The following DCLRE1B variants were observed in gnomAD, a reference collection of about 807,000 sequenced individuals.
The protein encoded by DCLRE1B is 5' exonuclease Apollo.
Under a neutral mutation model 19.8 loss-of-function variants are expected in DCLRE1B, and 6 were observed. That is an observed-to-expected ratio of 0.30 (90% CI 0.17 to 0.60). DCLRE1B has a LOEUF of 0.60. Ranked by LOEUF, DCLRE1B falls within the 20% of genes least tolerant of loss-of-function variation. The pLI is 0.87. For missense variants in DCLRE1B, 622 were observed against 654.2 expected (o/e 0.95, Z 0.54); for synonymous variants, 258 against 255.7 (o/e 1.01, Z -0.09).
At position 113,911,549 on chromosome 1, in the gene DCLRE1B, T is replaced by C. The variant is rs778872263; in HGVS notation, c.957T>C (p.Ile319=). The C allele has an allele frequency of 6.2e-7, 1 of 1,612,250 alleles. No individual in the cohort carries two copies. Among genetic ancestry groups the C allele is most frequent in the African/African-American group, 1.3e-5 (1 of 74,846 alleles). ...GCCCCAGGATCTCCGTGCCCCTGATTCCGGACTCTGTACAGCAATACATGA... is the reference window on the plus strand; with the variant it reads ...GCCCCAGGATCTCCGTGCCCCTGATCCCGGACTCTGTACAGCAATACATGA... ...SLSPRISVPL[I]PDSVQQYMSS... Residue 319 remains isoleucine (I), a synonymous_variant, in exon 4 of 4, where the codon ATT becomes ATC. Coordinates refer to ENST00000650450, the MANE Select transcript of DCLRE1B (RefSeq NM_022836.4).
At position 113,905,778 on chromosome 1, in the gene DCLRE1B, A is replaced by G; in HGVS notation, c.189+3A>G. On this transcript the variant is annotated splice_donor_region_variant and intron_variant, in intron 1 of 3. Transcript: ENST00000650450. Reference sequence around the variant, plus strand: ...ACCTCTTGCATCGTCACCTACAGGTATGGGGCTGGAGTCGGTCTCCGAGAG... The same window carrying G: ...ACCTCTTGCATCGTCACCTACAGGTGTGGGGCTGGAGTCGGTCTCCGAGAG... 1.2e-6 allele frequency: 2 copies of G among 1,610,682 alleles called. No individual in the cohort carries two copies. Among genetic ancestry groups the G allele is most frequent in the Admixed American group, 1.7e-5 (1 of 59,710 alleles).
chr1:113,911,450 C>T lies in DCLRE1B; in HGVS notation c.858C>T (p.Val286=), dbSNP rs773997509. Residue 286 remains valine, a synonymous_variant, in exon 4 of 4, where the codon GTC becomes GTT. Coordinates refer to ENST00000650450, the MANE Select transcript of DCLRE1B (RefSeq NM_022836.4). ...CTTACTCCGAGCTTCGTGCCTTTGT[C>T]GCAGCACTGAAGCCTTGCCAGGTGG... ...HSSYSELRAF[V]AALKPCQVVP... 1.7e-5 allele frequency: 28 copies of T among 1,614,072 alleles called. No homozygotes were observed. The highest frequency in any genetic ancestry group is 2.2e-5 in the South Asian group (2 of 91,082).
At chr1:113,906,632 A>G (rs2101066545) in intron 1 of DCLRE1B, among the ~76,000 whole-genome samples, 1 of 151,830 alleles carries the variant, frequency 6.6e-6, no homozygotes, top group African/African-American at 2.4e-5. Context: ...CTGGGACTAC[A>G]GGCGCCCGCC....
In DCLRE1B at chr1:113,913,285, G is replaced by A. The variant is rs6674384; in HGVS notation, c.*1094G>A. The A allele has an allele frequency of 0.3, 45,160 of 152,674 alleles. 6,790 individuals carry two copies. Among genetic ancestry groups the A allele is most frequent in the African/African-American group, 0.33 (13,858 of 41,482 alleles). The allele number at this position is 152,674 out of a possible 1,614,324, so 9.5% of individuals were successfully genotyped here. ...AGGGCACAGACTTGTGGAGCTGGGCGTCTGGATCAAAACTGCTTTGGGATG... is the reference window on the plus strand; with the variant it reads ...AGGGCACAGACTTGTGGAGCTGGGCATCTGGATCAAAACTGCTTTGGGATG... On this transcript the variant is annotated 3_prime_UTR_variant, in exon 4 of 4. Transcript: ENST00000650450.
In DCLRE1B at chr1:113,912,858, T is replaced by C. The variant is rs1342088265; in HGVS notation, c.*667T>C. On this transcript the variant is annotated 3_prime_UTR_variant, in exon 4 of 4. Coordinates refer to ENST00000650450, the MANE Select transcript of DCLRE1B (RefSeq NM_022836.4). ...AGGATGTGCAGTATCCCAGTATCAC[T>C]GGGATCCATGTGGAACAGAGCCAGC... The C allele has an allele frequency of 6.6e-6, 1 of 152,410 alleles. No homozygotes were observed. Among genetic ancestry groups the C allele is most frequent in the East Asian group, 1.9e-4 (1 of 5,330 alleles). 9.4% of individuals were successfully genotyped at this position (152,410 alleles called of 1,614,324 possible).
At chr1:113,904,793 C>A, upstream of DCLRE1B, 3 of 1,255,064 alleles carry the variant, frequency 2.4e-6, no homozygotes, top group Non-Finnish European at 3.5e-6. Context: ...GATGTGGGAG[C>A]CTGAGTAAAG....
At chr1:113,907,507 TC>T (rs1669081380) in intron 2 of DCLRE1B, among the ~76,000 whole-genome samples, 1 of 152,072 alleles carries the variant, frequency 6.6e-6, no homozygotes, top group Non-Finnish European at 1.5e-5. Context: ...TTCACTCTTG[TC>T]ACCCAGGCTG....
rs1183682699 is a variant in DCLRE1B at position 113,913,909 on chromosome 1, T to C, written c.*1718T>C. On this transcript the variant is annotated 3_prime_UTR_variant, in exon 4 of 4. Coordinates refer to ENST00000650450, the MANE Select transcript of DCLRE1B (RefSeq NM_022836.4). The stretch of plus-strand genomic sequence containing the variant: ...ATTGTATAGAATTTTATAGCCTACA[T>C]TTTAATTTCTTGATATCTTAAGCAT... 6.6e-6 allele frequency: 1 copy of C among 152,202 alleles called. No individual in the cohort carries two copies. The highest frequency in any genetic ancestry group is 1.5e-5 in the Non-Finnish European group (1 of 68,032). The allele number at this position is 152,202 out of a possible 1,614,324, so 9.4% of individuals were successfully genotyped here.
intron 1 of DCLRE1B, 133 bp from the exon 2 acceptor site, chr1:113,906,863 C>T: frequency 1.1e-6 from 1 of 914,344 alleles, no homozygotes; most frequent in African/African-American, 1.7e-5. Flanking sequence ...GCTTGGGAAT[C>T]CCCATTACAG....
Position 113,912,062 on chromosome 1 carries a change from C to T in DCLRE1B, c.1470C>T (p.Thr490=), listed in dbSNP as rs1485302423. The T allele has an allele frequency of 2.5e-6, 4 of 1,614,188 alleles. No homozygotes were observed. The highest frequency in any genetic ancestry group is 1.3e-5 in the African/African-American group (1 of 75,034). ...CCCTGTCCCACAGCAGCAAGGGCAC[C>T]CCTCTTCTAGCTACTGAATTCAGGG... ...GSPLSHSSKG[T]PLLATEFRGL... is the part of the protein sequence containing the mutation. The change falls in exon 4 of 4, where the codon ACC becomes ACT. Residue 490 remains threonine (T), a synonymous_variant. Coordinates refer to ENST00000650450, the MANE Select transcript of DCLRE1B (RefSeq NM_022836.4).
Position 113,913,775 on chromosome 1 carries a change from AC to A in DCLRE1B, c.*1585del, listed in dbSNP as rs67257357. 41 of 152,178 alleles carry A rather than the reference AC, an allele frequency of 2.7e-4. No homozygotes were observed. Among genetic ancestry groups the A allele is most frequent in the East Asian group, 3.8e-4 (2 of 5,286 alleles). 9.4% of individuals were successfully genotyped at this position (152,178 alleles called of 1,614,324 possible). On this transcript the variant is annotated 3_prime_UTR_variant, in exon 4 of 4. Coordinates refer to ENST00000650450, the MANE Select transcript of DCLRE1B (RefSeq NM_022836.4). ...ATAAGAAACTTTGAAAGTCAAAAAA[AC>A]AAAAAATTTTAATTCCTCGTAGATT... is the stretch of plus-strand genomic sequence containing the variant.
rs1249477032 is a variant in DCLRE1B, at chr1:113,912,885, G to C, written c.*694G>C. 6.6e-6 allele frequency: 1 copy of C among 152,526 alleles called. No homozygotes were observed. Among genetic ancestry groups the C allele is most frequent in the East Asian group, 1.9e-4 (1 of 5,336 alleles). The allele number at this position is 152,526 out of a possible 1,614,324, so 9.4% of individuals were successfully genotyped here. A position where few individuals can be genotyped will look rare whatever the true frequency, so the allele number is the denominator to read the frequency against. ...GGATCCATGTGGAACAGAGCCAGCT[G>C]GGGGGTTGGGCAGCTCTCTCCAAGG... On this transcript the variant is annotated 3_prime_UTR_variant, in exon 4 of 4. Transcript: ENST00000650450.
upstream of DCLRE1B, chr1:113,904,712 C>T (rs1277336963): frequency 3.7e-6 from 6 of 1,612,044 alleles, no homozygotes. Flanking sequence ...AGCCAAGGTA[C>T]GGCATCTTCC....
At position 113,912,093 on chromosome 1, in the gene DCLRE1B, G is replaced by A. The variant is rs766085919; in HGVS notation, c.1501G>A (p.Ala501Thr). The A allele has an allele frequency of 6.2e-7, 1 of 1,614,186 alleles. No individual in the cohort carries two copies. The highest frequency in any genetic ancestry group is 1.7e-5 in the Admixed American group (1 of 60,028). The part of the protein sequence containing the change: ...PLLATEFRGL[A>T]LKYLLTPVNF... ...TCTAGCTACTGAATTCAGGGGTCTAGCACTCAAATATCTTCTGACTCCAGT... is the reference window on the plus strand; with the variant it reads ...TCTAGCTACTGAATTCAGGGGTCTAACACTCAAATATCTTCTGACTCCAGT... The change falls in exon 4 of 4, where the codon GCA becomes ACA. Residue 501 changes from alanine (A) to threonine (T), a missense_variant. This residue lies in a region of DCLRE1B where 382 missense variants were observed against 412.5 expected (regional missense o/e 0.93). Transcript: ENST00000650450.
intron 3 of DCLRE1B, among the ~76,000 whole-genome samples, chr1:113,908,527 G>C (rs1292337294): frequency 6.6e-6 from 1 of 152,138 alleles, no homozygotes; most frequent in Non-Finnish European, 1.5e-5. Flanking sequence ...AGGATTGCCT[G>C]GGTCCAGTAG....
chr1:113,912,210 T>G lies in DCLRE1B; in HGVS notation c.*19T>G. ...CTGCTGAAGACAGGAGAGTACAGAATGACAACATTGAGCCCACACTGCAGT... is the reference window on the plus strand; with the variant it reads ...CTGCTGAAGACAGGAGAGTACAGAAGGACAACATTGAGCCCACACTGCAGT... On this transcript the variant is annotated 3_prime_UTR_variant, in exon 4 of 4. Transcript: ENST00000650450. 1 of 1,578,390 alleles carries G rather than the reference T, an allele frequency of 6.3e-7. No individual in the cohort carries two copies. The highest frequency in any genetic ancestry group is 1.3e-5 in the African/African-American group (1 of 74,192).
At chr1:113,908,240 A>AC in intron 3 of DCLRE1B, 49 bp downstream of exon 3, 1 of 1,576,284 alleles carries the variant, frequency 6.3e-7, no homozygotes. Context: ...AGTGAACTAG[A>AC]TTCTTTAAGG....
Position 113,905,697 on chromosome 1 carries a change from C to T in DCLRE1B, c.111C>T (p.Thr37=), listed in dbSNP as rs757534089. Residue 37 remains threonine, a synonymous_variant, in exon 1 of 4, where the codon ACC becomes ACT. Transcript: ENST00000650450. ...TGTCTCACATGCACTCGGACCACAC[C>T]GTGGGCCTGTCTAGCACCTGGGCCC... ...FFLSHMHSDH[T]VGLSSTWARP... is the part of the protein sequence containing the mutation. 5.6e-6 allele frequency: 9 copies of T among 1,614,188 alleles called. No homozygotes were observed. The African/African-American group carries it at 8.0e-5, about 14-fold the overall frequency.
chr1:113,906,291 T>A (rs759135833), intron 1 of DCLRE1B, among the ~76,000 whole-genome samples: 2 of 151,098 alleles, frequency 1.3e-5, no homozygotes, highest in Non-Finnish European at 3.0e-5. Flanking sequence ...CTCCTGACCT[T>A]AAGTGATCCG....
Sources: allele counts gnomAD v4.1 joint callset (sites outside exome capture counted in the v4.1 genomes callset), GRCh38; gene constraint gnomAD v4.1.1; regional missense constraint gnomAD v4.1.1; transcripts MANE v1.5; gene names NCBI Gene and HGNC (gene_info 2026-07-23, HGNC 2026-07-21).